KIF15: variants seen among roughly 807,000 people sequenced by gnomAD.
The protein encoded by KIF15 is kinesin family member 15.
A neutral mutation model predicts 190.6 loss-of-function variants in KIF15; 140 were observed. The ratio of observed to expected loss-of-function variants is 0.73; its 90% CI spans 0.64 to 0.84. KIF15 has a LOEUF of 0.84. KIF15 is among the 40% of genes least tolerant of loss of function. The pLI is 0.00. For missense variants in KIF15, 1,372 were observed against 1,584.4 expected (o/e 0.87, Z 2.28); for synonymous variants, 528 against 551.3 (o/e 0.96, Z 0.59).
Position 44,852,261 on chromosome 3 carries a change from G to A in KIF15, c.4026G>A (p.Lys1342=). ...AGTGTCTTGCTGAGGAAAATGGAAA[G>A]TTGGTAGGTCACCAAAATTTGCATC... The part of the protein sequence containing the change: ...QVECLAEENG[K]LVGHQNLHQK... Residue 1342 remains lysine (K), a synonymous_variant, in exon 34 of 35, where the codon AAG becomes AAA. Coordinates refer to ENST00000326047, the MANE Select transcript of KIF15 (RefSeq NM_020242.3). 7 of 1,613,572 alleles carry A rather than the reference G, an allele frequency of 4.3e-6. No individual in the cohort carries two copies. Among genetic ancestry groups the A allele is most frequent in the Non-Finnish European group, 5.1e-6 (6 of 1,179,638 alleles).
intron 6 of KIF15, chr3:44,864,317 G>C: frequency 6.2e-7 from 1 of 1,614,212 alleles, no homozygotes; most frequent in Admixed American, 1.7e-5. Flanking sequence ...ATCTGTCACA[G>C]TGACTTTTTC....
chr3:44,797,589 C>T lies in KIF15; in HGVS notation c.888C>T (p.Gly296=). 6.2e-7 allele frequency: 1 copy of T among 1,613,992 alleles called. No homozygotes were observed. Among genetic ancestry groups the T allele is most frequent in the Non-Finnish European group, 8.5e-7 (1 of 1,179,944 alleles). ...GNINRSLSCL[G]QVITALVDVG... is the part of the protein sequence containing the mutation. ...TAAATCGATCATTGAGCTGCCTGGG[C>T]CAAGTGATTACAGCACTTGTCGACG... The change falls in exon 9 of 35, where the codon GGC becomes GGT. Residue 296 remains glycine (G), a synonymous_variant. Coordinates refer to ENST00000326047, the MANE Select transcript of KIF15 (RefSeq NM_020242.3).
At chr3:44,801,617 A>T in intron 12 of KIF15, 91 bp downstream of exon 12, 1 of 986,882 alleles carries the variant, frequency 1.0e-6, no homozygotes, top group South Asian at 1.5e-5. Flanking sequence ...AATAAATAAT[A>T]CCAAGTCAAT....
Position 44,814,908 on chromosome 3 carries a change from T to G in KIF15, c.2384-3T>G, listed in dbSNP as rs1460401763. The stretch of plus-strand genomic sequence containing the variant: ...CTGAGGATATGTTTTCTTTGTTTTT[T>G]AGTTTTGAAAAGTGAGGTACATGAC... On this transcript the variant is annotated splice_polypyrimidine_tract_variant and splice_region_variant and intron_variant, in intron 19 of 34. Transcript: ENST00000326047. 1.3e-6 allele frequency: 2 copies of G among 1,581,236 alleles called. No homozygotes were observed. Among genetic ancestry groups the G allele is most frequent in the East Asian group, 2.3e-5 (1 of 44,434 alleles).
At chr3:44,793,427 G>A (rs1706815577) in intron 7 of KIF15, among the ~76,000 whole-genome samples, 2 of 152,186 alleles carry the variant, frequency 1.3e-5, no homozygotes, top group Non-Finnish European at 1.5e-5. Flanking sequence ...TGGGTTCAGA[G>A]AGGTTTTGTG....
intron 6 of KIF15, chr3:44,864,963 A>T: frequency 6.3e-7 from 1 of 1,582,462 alleles, no homozygotes; most frequent in South Asian, 1.1e-5. Flanking sequence ...CACCCTTAGA[A>T]GGAAGTCAGT....
chr3:44,846,615 A>G (rs555265282), intron 30 of KIF15, among the ~76,000 whole-genome samples: 1 of 152,172 alleles, frequency 6.6e-6, no homozygotes, highest in African/African-American at 2.4e-5. Flanking sequence ...TCTACTAAAA[A>G]TACAAAAAAT....
chr3:44,786,075 G>C (rs1706389582), intron 6 of KIF15, among the ~76,000 whole-genome samples: 1 of 152,122 alleles, frequency 6.6e-6, no homozygotes, highest in Admixed American at 6.5e-5. Context: ...AATTAGCCGG[G>C]CGTGGTGGCG....
At chr3:44,768,973 C>T (rs1262086887) in intron 1 of KIF15, among the ~76,000 whole-genome samples, 1 of 152,164 alleles carries the variant, frequency 6.6e-6, no homozygotes, top group African/African-American at 2.4e-5. Context: ...CTGGTTTGCA[C>T]AGGGAGAGGG....
intron 7 of KIF15, 147 bp downstream of exon 7, chr3:44,786,721 T>TA: frequency 1.7e-6 from 1 of 584,560 alleles, no homozygotes; most frequent in Non-Finnish European, 2.7e-6. Context: ...GATAAAATAA[T>TA]ATGGCAGTAT....
At chr3:44,846,349 G>C (rs1402471582) in intron 30 of KIF15, among the ~76,000 whole-genome samples, 1 of 152,052 alleles carries the variant, frequency 6.6e-6, no homozygotes, top group African/African-American at 2.4e-5. Context: ...GGTTAGTTTA[G>C]TTTCTGTTCT....
chr3:44,840,321 A>G (rs761027688), intron 27 of KIF15, 34 bp from the exon 28 acceptor site: 1 of 1,289,608 alleles, frequency 7.8e-7, no homozygotes, highest in Admixed American at 2.2e-5. Context: ...CCATATTACT[A>G]AGTTGTAACC....
chr3:44,802,571 T>C (rs896415992), intron 13 of KIF15, among the ~76,000 whole-genome samples: 7 of 152,216 alleles, frequency 4.6e-5, no homozygotes, highest in African/African-American at 2.4e-5. Context: ...TACACCCTTG[T>C]GCTTACCTCC....
intron 8 of KIF15, among the ~76,000 whole-genome samples, chr3:44,794,629 A>G (rs1706883189): frequency 6.6e-6 from 1 of 152,158 alleles, no homozygotes; most frequent in African/African-American, 2.4e-5. Context: ...TATGATGCCC[A>G]CAAAACAATC....
chr3:44,791,609 T>G (rs548629390), intron 7 of KIF15, among the ~76,000 whole-genome samples: 173 of 152,330 alleles, frequency 1.1e-3, no homozygotes, highest in Non-Finnish European at 2.1e-3. Context: ...GGTATTTTTG[T>G]TTTTGATTTT....
intron 26 of KIF15, among the ~76,000 whole-genome samples, chr3:44,834,626 G>A (rs1334813486): frequency 6.6e-6 from 1 of 152,080 alleles, no homozygotes; most frequent in African/African-American, 2.4e-5. Context: ...ATTAAAGAAA[G>A]AATAGCTTTA....
intron 20 of KIF15, among the ~76,000 whole-genome samples, chr3:44,815,498 C>G (rs1057029029): frequency 7.2e-5 from 11 of 152,172 alleles, no homozygotes; most frequent in African/African-American, 2.7e-4. Flanking sequence ...CACCTTTGGA[C>G]CAGTCACTTT....
At chr3:44,774,745 G>A (rs1482140596) in intron 2 of KIF15, among the ~76,000 whole-genome samples, 1 of 152,224 alleles carries the variant, frequency 6.6e-6, no homozygotes, top group East Asian at 1.9e-4. Flanking sequence ...GTAAAGGGAT[G>A]TGAAGGTGCC....
intron 18 of KIF15, among the ~76,000 whole-genome samples, chr3:44,812,533 T>G (rs912868826): frequency 1.3e-5 from 2 of 152,234 alleles, no homozygotes; most frequent in African/African-American, 2.4e-5. Flanking sequence ...CCTGGCTGAC[T>G]TAGTCAATAA....
Sources: gnomAD v4.1 joint callset for allele counts (sites outside exome capture counted in the v4.1 genomes callset) on GRCh38, gnomAD v4.1.1 for gene constraint, MANE v1.5 for transcripts, NCBI Gene and HGNC (gene_info 2026-07-23, HGNC 2026-07-21) for gene names.